Variants in PRLR observed in about 807,000 individuals in gnomAD.
PRLR encodes the protein hPRL receptor.
In PRLR, 13 loss-of-function variants were observed where a neutral mutation model predicts 40.2. The ratio of observed to expected loss-of-function variants is 0.32; its 90% CI spans 0.21 to 0.51. PRLR has a LOEUF of 0.51. Among genes scored for constraint, PRLR ranks in the 20% least tolerant of loss-of-function variants. The probability of loss-of-function intolerance (pLI) is 0.97; values close to 1 mark genes in which losing one functional copy is unlikely to be tolerated. For missense variants in PRLR, 656 were observed against 747.3 expected (o/e 0.88, Z 1.42); for synonymous variants, 269 against 278.7 (o/e 0.97, Z 0.35).
intron 9 of PRLR, 129 bp downstream of exon 9, chr5:35,068,087 C>G: frequency 1.3e-6 from 1 of 795,290 alleles, no homozygotes; most frequent in Non-Finnish European, 2.2e-6. Flanking sequence ...ACATGCTGAC[C>G]AGGAGAGACA....
intron 1 of PRLR, among the ~76,000 whole-genome samples, chr5:35,208,777 TAAA>T (rs1341821089): frequency 6.6e-6 from 1 of 151,732 alleles, no homozygotes; most frequent in Non-Finnish European, 1.5e-5. Context: ...CTATTAATGA[TAAA>T]AAAATTAAGA....
chr5:35,185,668 A>T (rs1775406400), intron 1 of PRLR, among the ~76,000 whole-genome samples: 1 of 152,340 alleles, frequency 6.6e-6, no homozygotes, highest in Admixed American at 6.5e-5. Context: ...GAGCAGGAAC[A>T]GTCACATTAG....
At position 35,058,136 on chromosome 5, in the gene PRLR, G is replaced by GT. The variant is rs1246025065; in HGVS notation, c.*6952dup. On this transcript the variant is annotated 3_prime_UTR_variant, in exon 10 of 10. Coordinates refer to ENST00000618457, the MANE Select transcript of PRLR (RefSeq NM_000949.7). ...CCTACAAAGTGATGAATTAGAAGGT[G>GT]TTAAAAAAAAAACCCAGCAACTTAA... 6.6e-6 allele frequency: 1 copy of GT among 151,352 alleles called. No homozygotes were observed. The highest frequency in any genetic ancestry group is 2.4e-5 in the African/African-American group (1 of 41,220). The allele number at this position is 151,352 out of a possible 1,614,324, so 9.4% of individuals were successfully genotyped here.
chr5:35,153,944 T>C (rs1039701066), intron 1 of PRLR, among the ~76,000 whole-genome samples: 2 of 152,150 alleles, frequency 1.3e-5, no homozygotes, highest in Non-Finnish European at 2.9e-5. Context: ...CCAGGATCCT[T>C]GCCTCCAGAA....
rs142113194 is a variant in PRLR at position 35,124,569 on chromosome 5, G to T, written c.-105-6447C>A. Among the ~76,000 whole-genome samples the T allele has an allele frequency of 1.2e-3, 179 of 152,288 alleles. 1 individual carries two copies. Among genetic ancestry groups the T allele is most frequent in the Non-Finnish European group, 2.2e-3 (148 of 68,008 alleles). ...TAGTAATCTACTGGGGAATATTGAA[G>T]TCCCTTTTGCAGGCACTGACATCCA... On this transcript the variant is annotated intron_variant, in intron 1 of 9. Coordinates refer to ENST00000618457, the MANE Select transcript of PRLR (RefSeq NM_000949.7).
At chr5:35,183,085 G>A (rs964714276) in intron 1 of PRLR, among the ~76,000 whole-genome samples, 8 of 152,258 alleles carry the variant, frequency 5.3e-5, no homozygotes, top group South Asian at 2.1e-4. Flanking sequence ...TGGAAGTTGC[G>A]ACACCTACTT....
chr5:35,106,384 C>T (rs866157905), intron 2 of PRLR, among the ~76,000 whole-genome samples: 2 of 152,118 alleles, frequency 1.3e-5, no homozygotes, highest in African/African-American at 2.4e-5. Flanking sequence ...CAATATTAAC[C>T]TTAAATGTAA....
At chr5:35,149,391 C>T (rs75843640) in intron 1 of PRLR, among the ~76,000 whole-genome samples, 3,999 of 152,112 alleles carry the variant, frequency 0.026, 88 homozygotes, top group Middle Eastern at 0.095. Context: ...CAAATTAAAA[C>T]CTTTGATAAT....
At chr5:35,107,580 A>T (rs868701892) in intron 2 of PRLR, among the ~76,000 whole-genome samples, 3 of 152,240 alleles carry the variant, frequency 2.0e-5, no homozygotes, top group Non-Finnish European at 2.9e-5. Flanking sequence ...AACTACCATC[A>T]GAAAATACTA....
intron 1 of PRLR, among the ~76,000 whole-genome samples, chr5:35,163,553 C>G (rs530449709): frequency 6.6e-6 from 1 of 152,098 alleles, no homozygotes; most frequent in African/African-American, 2.4e-5. Context: ...AGGACAGTGG[C>G]TTTTTAAATT....
At chr5:35,202,854 T>C (rs183028229) in intron 1 of PRLR, among the ~76,000 whole-genome samples, 11 of 152,344 alleles carry the variant, frequency 7.2e-5, no homozygotes, top group African/African-American at 2.4e-4. Flanking sequence ...AGGCCATTCT[T>C]ACATTCCTTT....
At chr5:35,214,372 G>T (rs1033460925) in intron 1 of PRLR, among the ~76,000 whole-genome samples, 1 of 152,186 alleles carries the variant, frequency 6.6e-6, no homozygotes, top group Non-Finnish European at 1.5e-5. Flanking sequence ...CAAACTATTT[G>T]TCATCATTCC....
At chr5:35,171,508 T>A (rs182756727) in intron 1 of PRLR, among the ~76,000 whole-genome samples, 1 of 152,232 alleles carries the variant, frequency 6.6e-6, no homozygotes, top group East Asian at 1.9e-4. Context: ...AACTGGGCTG[T>A]TTTGGGCACT....
At chr5:35,225,733 G>A (rs1776530475) in intron 1 of PRLR, among the ~76,000 whole-genome samples, 1 of 152,208 alleles carries the variant, frequency 6.6e-6, no homozygotes, top group Non-Finnish European at 1.5e-5. Flanking sequence ...CCAGGCTGGA[G>A]TGCAATGGCG....
intron 2 of PRLR, among the ~76,000 whole-genome samples, chr5:35,107,081 A>G (rs1772309209): frequency 6.6e-6 from 1 of 152,190 alleles, no homozygotes; most frequent in Non-Finnish European, 1.5e-5. Context: ...CTCACTCAAA[A>G]CCACACAACT....
chr5:35,103,856 T>C (rs572461487), intron 2 of PRLR, among the ~76,000 whole-genome samples: 1 of 152,362 alleles, frequency 6.6e-6, no homozygotes, highest in East Asian at 1.9e-4. Context: ...CTTGGGATGC[T>C]TTCATGGGTG....
intron 7 of PRLR, 41 bp downstream of exon 7, chr5:35,070,083 C>A: frequency 6.3e-7 from 1 of 1,577,930 alleles, no homozygotes; most frequent in Non-Finnish European, 8.6e-7. Context: ...CCATTTAAAA[C>A]ATATTTAGGG....
At chr5:35,084,207 A>G (rs61523757) in intron 5 of PRLR, among the ~76,000 whole-genome samples, 10,850 of 152,302 alleles carry the variant, frequency 0.071, 704 homozygotes, top group African/African-American at 0.17. Context: ...CAAGGGAAAC[A>G]TACATAGAAC....
chr5:35,150,553 T>C (rs1256800605), intron 1 of PRLR, among the ~76,000 whole-genome samples: 1 of 152,242 alleles, frequency 6.6e-6, no homozygotes, highest in African/African-American at 2.4e-5. Context: ...ATAAGACAGT[T>C]AATTGCCATG....
Sources: allele counts gnomAD v4.1 joint callset (sites outside exome capture counted in the v4.1 genomes callset), GRCh38; gene constraint gnomAD v4.1.1; transcripts MANE v1.5; gene names NCBI Gene and HGNC (gene_info 2026-07-23, HGNC 2026-07-21).